Variants in ASTN2 observed in about 807,000 individuals in gnomAD.
The protein encoded by ASTN2 is astrotactin 2.
A neutral mutation model predicts 139.8 loss-of-function variants in ASTN2; 54 were observed. That is an observed-to-expected ratio of 0.39 (90% CI 0.31 to 0.48). The LOEUF (loss-of-function observed/expected upper bound fraction) is 0.48, where lower values mean the gene tolerates loss of function less well. Among genes scored for constraint, ASTN2 ranks in the 20% least tolerant of loss-of-function variants. The pLI, the probability that ASTN2 is intolerant of heterozygous loss-of-function variation, is 0.95. For synonymous variants in ASTN2, 756 were observed against 719.5 expected, an observed-to-expected ratio of 1.05 and a Z score of -0.81; for missense variants, 1,565 against 1,725.1, an observed-to-expected ratio of 0.91 and a Z score of 1.64.
intron 6 of ASTN2, among the ~76,000 whole-genome samples, chr9:117,016,608 ATCTAT>A (rs1837688349): frequency 9.0e-5 from 1 of 11,148 alleles, no homozygotes; most frequent in Non-Finnish European, 1.9e-4. Context: ...ATATATCTAT[ATCTAT>A]ATCTATCTAT....
At chr9:117,287,747 T>A (rs929039066) in intron 2 of ASTN2, among the ~76,000 whole-genome samples, 1 of 152,198 alleles carries the variant, frequency 6.6e-6, no homozygotes, top group South Asian at 2.1e-4. Context: ...AAAGCCAATG[T>A]CTTTTTACTC....
chr9:116,608,813 T>C (rs1855353210), intron 19 of ASTN2, among the ~76,000 whole-genome samples: 1 of 152,112 alleles, frequency 6.6e-6, no homozygotes, highest in Non-Finnish European at 1.5e-5. Flanking sequence ...GACCCAGAAC[T>C]GATCCAGTTG....
chr9:116,555,418 A>G (rs779214798), intron 19 of ASTN2, among the ~76,000 whole-genome samples: 9 of 152,174 alleles, frequency 5.9e-5, no homozygotes, highest in Non-Finnish European at 8.8e-5. Context: ...CCCCACTCTC[A>G]GTTTGAAATA....
chr9:117,092,858 T>C (rs1479032858), intron 5 of ASTN2, among the ~76,000 whole-genome samples: 2 of 152,060 alleles, frequency 1.3e-5, no homozygotes, highest in African/African-American at 2.4e-5. Flanking sequence ...GACTGGGATG[T>C]TACAGGTCCA....
chr9:117,075,460 A>G (rs1267068271), intron 5 of ASTN2, among the ~76,000 whole-genome samples: 5 of 149,316 alleles, frequency 3.3e-5, no homozygotes, highest in Non-Finnish European at 7.4e-5. Context: ...GGACCCATCG[A>G]CTAGAGTCTG....
At chr9:116,829,085 C>T (rs1831728745) in intron 11 of ASTN2, among the ~76,000 whole-genome samples, 1 of 151,730 alleles carries the variant, frequency 6.6e-6, no homozygotes, top group Non-Finnish European at 1.5e-5. Flanking sequence ...TTATATTGCC[C>T]AAAGCAATCT....
intron 19 of ASTN2, among the ~76,000 whole-genome samples, chr9:116,509,262 G>C (rs1686644605): frequency 6.6e-6 from 1 of 152,090 alleles, no homozygotes; most frequent in African/African-American, 2.4e-5. Flanking sequence ...TGCAGTGTTT[G>C]GTTTTTTGTC....
rs996983057 is a variant in ASTN2 at position 117,106,199 on chromosome 9, T to G, written c.1169-10048A>C. ...GTTGCTTATGTGCCCACTCACAATCTTTTCATCCAAGCTACATATTTCTTT... is the reference window on the plus strand; with the variant it reads ...GTTGCTTATGTGCCCACTCACAATCGTTTCATCCAAGCTACATATTTCTTT... On this transcript the variant is annotated intron_variant, in intron 4 of 22. Transcript: ENST00000313400. Among the ~76,000 whole-genome samples the G allele has an allele frequency of 2.6e-5, 4 of 152,240 alleles. No individual in the cohort carries two copies. The East Asian group carries it at 7.7e-4, about 29-fold the overall frequency.
At chr9:117,331,356 C>A (rs2130849304) in intron 1 of ASTN2, among the ~76,000 whole-genome samples, 1 of 152,258 alleles carries the variant, frequency 6.6e-6, no homozygotes, top group Admixed American at 6.5e-5. Flanking sequence ...GAAACCAACA[C>A]AGAGGGGCTT....
chr9:117,154,125 A>G (rs561000874), intron 3 of ASTN2, among the ~76,000 whole-genome samples: 1 of 152,200 alleles, frequency 6.6e-6, no homozygotes, highest in Admixed American at 6.6e-5. Flanking sequence ...AACGAATGGC[A>G]GGGATGTTAG....
chr9:116,479,851 C>T (rs1027813956), intron 20 of ASTN2, among the ~76,000 whole-genome samples: 5 of 152,176 alleles, frequency 3.3e-5, no homozygotes, highest in African/African-American at 1.2e-4. Context: ...TTTCTATATG[C>T]CCAACTCTTC....
At chr9:116,510,142 C>G (rs895922482) in intron 19 of ASTN2, among the ~76,000 whole-genome samples, 3 of 152,178 alleles carry the variant, frequency 2.0e-5, no homozygotes, top group African/African-American at 7.2e-5. Flanking sequence ...GGTTTCAGGT[C>G]TAACATTTAA....
In ASTN2 at chr9:117,103,573, G is replaced by T. The variant is rs547170224; in HGVS notation, c.1169-7422C>A. On this transcript the variant is annotated intron_variant, in intron 4 of 22. Transcript: ENST00000313400. ...GCAATCTACCTTCTATTCTTGGGCTGCCCTGTCCACAGACCTGCTCTGCCA... is the reference window on the plus strand; with the variant it reads ...GCAATCTACCTTCTATTCTTGGGCTTCCCTGTCCACAGACCTGCTCTGCCA... 3.3e-3 allele frequency among the ~76,000 whole-genome samples: 506 copies of T among 152,218 alleles called. 5 individuals are homozygous for T. The highest frequency in any genetic ancestry group is 5.8e-3 in the Non-Finnish European group (397 of 68,008).
At chr9:116,865,507 C>A (rs142156963) in intron 10 of ASTN2, among the ~76,000 whole-genome samples, 1 of 145,646 alleles carries the variant, frequency 6.9e-6, no homozygotes, top group African/African-American at 2.6e-5. Context: ...ATCTACAGTG[C>A]GGGTCTAAAG....
Position 116,698,965 on chromosome 9 carries a change from G to A in ASTN2, c.2806+26806C>T, listed in dbSNP as rs183136193. The A allele has an allele frequency of 1.8e-4, 296 of 1,614,010 alleles. 1 individual carries two copies. Among genetic ancestry groups the A allele is most frequent in the South Asian group, 3.3e-4 (30 of 91,078 alleles). ...CGCAAAGGCTTTTTGAAGGAAATCC[G>A]CCGCAGCCCCAGTGGCATTGATAGC... On this transcript the variant is annotated intron_variant, in intron 16 of 22. Coordinates refer to ENST00000313400, the MANE Select transcript of ASTN2 (RefSeq NM_001365068.1). The surrounding 1 kb of genome is among the most constrained non-coding windows in gnomAD (Gnocchi z 4.4).
intron 11 of ASTN2, among the ~76,000 whole-genome samples, chr9:116,843,392 T>C (rs1055689114): frequency 6.6e-6 from 1 of 152,132 alleles, no homozygotes; most frequent in African/African-American, 2.4e-5. Flanking sequence ...GCGTGGTGGC[T>C]CATGCCTGTA....
At chr9:116,735,544 G>T (rs1828904981) in intron 13 of ASTN2, among the ~76,000 whole-genome samples, 1 of 152,228 alleles carries the variant, frequency 6.6e-6, no homozygotes, top group African/African-American at 2.4e-5. Flanking sequence ...CCTGTGCTGG[G>T]TGGTGCTAAG....
intron 13 of ASTN2, among the ~76,000 whole-genome samples, chr9:116,783,291 T>TACC (rs1830270619): frequency 1.3e-5 from 1 of 78,996 alleles, no homozygotes; most frequent in African/African-American, 5.5e-5. Context: ...CCTTCCTTCC[T>TACC]TCCTTCCTCC....
At chr9:117,037,399 T>C (rs910127718) in intron 6 of ASTN2, among the ~76,000 whole-genome samples, 1 of 152,124 alleles carries the variant, frequency 6.6e-6, no homozygotes, top group Non-Finnish European at 1.5e-5. Context: ...CTGATGACCA[T>C]GATAAAAAAG....
Sources: gnomAD v4.1 joint callset for allele counts (sites outside exome capture counted in the v4.1 genomes callset) on GRCh38, gnomAD v4.1.1 for gene constraint, Gnocchi (gnomAD v3.1) non-coding constraint, MANE v1.5 for transcripts, NCBI Gene and HGNC (gene_info 2026-07-23, HGNC 2026-07-21) for gene names.